SGF29: variants seen among roughly 807,000 people sequenced by gnomAD.
The protein encoded by SGF29 is SAGA-associated factor 29.
In SGF29, 15 loss-of-function variants were observed where a neutral mutation model predicts 38.1. That is an observed-to-expected ratio of 0.39 (90% confidence interval 0.26 to 0.61). The LOEUF is 0.61. Among genes scored for constraint, SGF29 ranks in the 20% least tolerant of loss-of-function variants. The pLI, the probability that SGF29 is intolerant of heterozygous loss-of-function variation, is 0.49. For missense variants in SGF29, 184 were observed against 394.6 expected, an observed-to-expected ratio of 0.47 and a Z score of 4.52; for synonymous variants, 151 against 160.8, an observed-to-expected ratio of 0.94 and a Z score of 0.46.
chr16:28,566,676 G>A (rs999093902), intron 1 of SGF29, among the ~76,000 whole-genome samples: 1 of 151,154 alleles, frequency 6.6e-6, no homozygotes, highest in Non-Finnish European at 1.5e-5. Flanking sequence ...AGCTACTCAG[G>A]AGGCTGAGCC....
intron 2 of SGF29, among the ~76,000 whole-genome samples, chr16:28,582,146 C>T (rs1243168908): frequency 1.3e-5 from 2 of 152,142 alleles, no homozygotes; most frequent in Non-Finnish European, 2.9e-5. Flanking sequence ...AATGGTATTC[C>T]TTTTAGACGT....
intron 4 of SGF29, 54 bp from the exon 5 acceptor site, chr16:28,589,046 G>A: frequency 6.3e-7 from 1 of 1,595,798 alleles, no homozygotes; most frequent in Admixed American, 1.7e-5. Context: ...TGGAAGAGAA[G>A]TCTATGCTAT....
rs187008961 is a variant in SGF29, at chr16:28,575,307, C to T, written c.-15-5748C>T. Among the ~76,000 whole-genome samples, 129 of 152,316 alleles carry T rather than the reference C, an allele frequency of 8.5e-4. 1 individual carries two copies. The highest frequency in any genetic ancestry group is 7.3e-4 in the Non-Finnish European group (50 of 68,040). ...ACAGTGTCGTACATGTGGGACAACACAGATCAATATCACAAGCAGCTAAAA... is the reference window on the plus strand; with the variant it reads ...ACAGTGTCGTACATGTGGGACAACATAGATCAATATCACAAGCAGCTAAAA... On this transcript the variant is annotated intron_variant, in intron 1 of 9. Transcript: ENST00000317058.
chr16:28,567,084 AT>A (rs1184973072), intron 1 of SGF29, among the ~76,000 whole-genome samples: 4 of 152,086 alleles, frequency 2.6e-5, no homozygotes, highest in African/African-American at 7.2e-5. Flanking sequence ...TAAAAATATT[AT>A]TTTTTTAAGG....
chr16:28,575,241 C>G (rs759110063), intron 1 of SGF29, among the ~76,000 whole-genome samples: 19 of 152,186 alleles, frequency 1.2e-4, no homozygotes, highest in Non-Finnish European at 2.4e-4. Context: ...ATATGTTCTT[C>G]TCTATATGAC....
rs574420339 is a variant in SGF29 at position 28,581,165 on chromosome 16, A to C, written c.75+21A>C. 3.1e-6 allele frequency: 5 copies of C among 1,609,238 alleles called. No individual in the cohort carries two copies. In the African/African-American group the frequency reaches 5.3e-5, roughly 17 times the overall value. ...CCCAGGTAAAAAGTCACCACCCTCC[A>C]TTCCCAGATGGGAACATGGGCTTTG... On this transcript the variant is annotated intron_variant, in intron 2 of 9. Transcript: ENST00000317058.
Position 28,590,437 on chromosome 16 carries a change from C to T in SGF29, c.561C>T (p.Thr187=), listed in dbSNP as rs1449671040. The T allele has an allele frequency of 3.1e-6, 5 of 1,613,908 alleles. No homozygotes were observed. Among genetic ancestry groups the T allele is most frequent in the East Asian group, 2.2e-5 (1 of 44,874 alleles). ...LAEVVSYSHA[T]NKYEVDDIDE... ...AGGTGGTCAGTTACAGCCATGCCAC[C>T]AACAAGTGAGTGACACCAACCCTGG... The change falls in exon 7 of 10, where the codon ACC becomes ACT. Residue 187 remains threonine (T), a synonymous_variant. Transcript: ENST00000317058. The surrounding 1 kb of genome is among the most constrained non-coding windows in gnomAD (Gnocchi z 8.2).
intron 1 of SGF29, among the ~76,000 whole-genome samples, chr16:28,574,358 C>A (rs1360393859): frequency 1.3e-5 from 2 of 152,208 alleles, no homozygotes; most frequent in Non-Finnish European, 2.9e-5. Flanking sequence ...TGGGCACATA[C>A]ACAGTGTGTA....
chr16:28,589,029 G>GA (rs2046971275), intron 4 of SGF29, 71 bp from the exon 5 acceptor site: 3 of 1,569,852 alleles, frequency 1.9e-6, no homozygotes, highest in South Asian at 2.2e-5. Flanking sequence ...ACCCAAAACA[G>GA]AAAAAATGGA....
rs975415016 is a variant in SGF29, at chr16:28,554,061, G to A, written c.-52G>A. The A allele has an allele frequency of 1.2e-4, 18 of 152,360 alleles. No individual in the cohort carries two copies. Among genetic ancestry groups the A allele is most frequent in the African/African-American group, 4.1e-4 (17 of 41,464 alleles). 9.4% of individuals were successfully genotyped at this position (152,360 alleles called of 1,614,324 possible). A position where few individuals can be genotyped will look rare whatever the true frequency, so the allele number is the denominator to read the frequency against. On this transcript the variant is annotated 5_prime_UTR_variant, in exon 1 of 10. Transcript: ENST00000317058. ...GAACGCGCCTGCTCCCCTCGTCGCA[G>A]TTTCCAGCCCGACGAGCTTGTTTTG...
intron 1 of SGF29, among the ~76,000 whole-genome samples, chr16:28,577,030 C>T (rs2046898472): frequency 6.6e-6 from 1 of 151,978 alleles, no homozygotes; most frequent in South Asian, 2.1e-4. Context: ...AGAAATTAGC[C>T]GGGCGTGGTG....
chr16:28,585,427 A>G lies in SGF29; in HGVS notation c.152-221A>G. On this transcript the variant is annotated intron_variant, in intron 3 of 9. Coordinates refer to ENST00000317058, the MANE Select transcript of SGF29 (RefSeq NM_138414.3). The stretch of plus-strand genomic sequence containing the variant: ...TGTCATGATGGAGAAAAGGTAAGAC[A>G]GTACTCTCGCAGATGTAGGGATGGC... 5.0e-6 allele frequency: 3 copies of G among 596,478 alleles called. No individual in the cohort carries two copies. The South Asian group carries it at 5.9e-5, about 12-fold the overall frequency. 36.9% of individuals were successfully genotyped at this position (596,478 alleles called of 1,614,324 possible).
At chr16:28,584,799 A>G (rs1221570059) in intron 2 of SGF29, 114 bp from the exon 3 acceptor site, 7 of 662,332 alleles carry the variant, frequency 1.1e-5, no homozygotes, top group Admixed American at 6.0e-5. Flanking sequence ...AAAAAAAAAA[A>G]AAAAAAAAGA....
intron 2 of SGF29, among the ~76,000 whole-genome samples, chr16:28,582,103 C>T (rs777422238): frequency 6.6e-6 from 1 of 152,116 alleles, no homozygotes; most frequent in Non-Finnish European, 1.5e-5. Context: ...ACCGCACAGC[C>T]AGGAAGGAGT....
intron 1 of SGF29, among the ~76,000 whole-genome samples, chr16:28,559,909 A>G (rs914156329): frequency 8.5e-5 from 13 of 152,168 alleles, no homozygotes; most frequent in African/African-American, 1.7e-4. Context: ...CACATCATCT[A>G]CAATGTCCAG....
At chr16:28,562,174 C>T (rs1279710299) in intron 1 of SGF29, among the ~76,000 whole-genome samples, 1 of 152,188 alleles carries the variant, frequency 6.6e-6, no homozygotes, top group Non-Finnish European at 1.5e-5. Context: ...CTCAGTGTAA[C>T]AGCAGACCCC....
intron 3 of SGF29, 68 bp downstream of exon 3, chr16:28,585,056 A>G (rs2046949101): frequency 1.7e-6 from 2 of 1,206,014 alleles, no homozygotes; most frequent in Admixed American, 1.9e-5. Context: ...CAAGACTGTG[A>G]CCGAGGTGGT....
At chr16:28,571,638 G>A (rs2046865416) in intron 1 of SGF29, among the ~76,000 whole-genome samples, 1 of 151,756 alleles carries the variant, frequency 6.6e-6, no homozygotes, top group Admixed American at 6.6e-5. Flanking sequence ...AGCCCTCTGG[G>A]CTGGGGATCG....
intron 1 of SGF29, among the ~76,000 whole-genome samples, chr16:28,576,457 T>TG (rs1261190012): frequency 6.6e-6 from 1 of 152,032 alleles, no homozygotes; most frequent in Non-Finnish European, 1.5e-5. Context: ...TCCCAGCACT[T>TG]TGGGAGGTCA....
Sources: allele counts gnomAD v4.1 joint callset (sites outside exome capture counted in the v4.1 genomes callset), GRCh38; gene constraint gnomAD v4.1.1; non-coding constraint Gnocchi (gnomAD v3.1); transcripts MANE v1.5; gene names NCBI Gene and HGNC (gene_info 2026-07-23, HGNC 2026-07-21).